HM13: variants seen among roughly 807,000 people sequenced by gnomAD.
HM13 encodes histocompatibility minor 13.
In HM13, 18 loss-of-function variants were observed where a neutral mutation model predicts 50.0. The observed-to-expected ratio is 0.36, with a 90% CI of 0.25 to 0.53. HM13 has a LOEUF of 0.53. Ranked by LOEUF, HM13 falls within the 20% of genes least tolerant of loss-of-function variation. The probability of loss-of-function intolerance (pLI) is 0.90; values close to 1 mark genes in which losing one functional copy is unlikely to be tolerated. For synonymous variants in HM13, 197 were observed against 232.6 expected, an observed-to-expected ratio of 0.85 and a Z score of 1.39; for missense variants, 393 against 552.4, an observed-to-expected ratio of 0.71 and a Z score of 2.89.
At chr20:31,538,394 T>C in intron 3 of HM13, 133 bp downstream of exon 3, 1 of 1,551,648 alleles carries the variant, frequency 6.4e-7, no homozygotes, top group Non-Finnish European at 8.8e-7. Context: ...AAGGGACTCT[T>C]TCCCCTGCAC....
chr20:31,568,687 G>A (rs6058116), intron 12 of HM13, among the ~76,000 whole-genome samples: 46,360 of 152,156 alleles, frequency 0.3, 11,544 homozygotes, highest in African/African-American at 0.69. Flanking sequence ...GCACCTTGCC[G>A]CTTGCCAGTA....
At chr20:31,550,236 C>T (rs1983969978) in intron 7 of HM13, 115 bp downstream of exon 7, 1 of 772,230 alleles carries the variant, frequency 1.3e-6, no homozygotes, top group East Asian at 2.5e-5. Flanking sequence ...CCTCTTCCTC[C>T]TGTGGCTCCC....
At position 31,514,718 on chromosome 20, in the gene HM13, G is replaced by C; in HGVS notation, c.167G>C (p.Arg56Pro). ...TTCTTCGGCGCCCTGCGCTCCGTAC[G>C]CTGCGCCCGCGGCAAGGTAGGGTCA... The part of the protein sequence containing the change: ...PIFFGALRSV[R>P]CARGKNASDM... Residue 56 changes from arginine (R) to proline (P), a missense_variant, in exon 1 of 13, where the codon CGC becomes CCC. Transcript: ENST00000398174. The surrounding 1 kb of genome is among the most constrained non-coding windows in gnomAD (Gnocchi z 4.3). 1 of 1,538,458 alleles carries C rather than the reference G, an allele frequency of 6.5e-7. No homozygotes were observed. The highest frequency in any genetic ancestry group is 8.8e-7 in the Non-Finnish European group (1 of 1,142,832).
intron 10 of HM13, chr20:31,562,541 G>A (rs1984674932): frequency 6.6e-6 from 1 of 152,192 alleles, no homozygotes; most frequent in South Asian, 2.1e-4. Flanking sequence ...ATTGAACAGG[G>A]GCTAAGGGAG....
chr20:31,516,762 G>T (rs922110768), intron 1 of HM13, among the ~76,000 whole-genome samples: 6 of 152,168 alleles, frequency 3.9e-5, no homozygotes, highest in African/African-American at 1.4e-4. Context: ...GGGCAGCAGG[G>T]TGTGGAGGAC....
At chr20:31,520,979 G>T (rs1664636781) in intron 1 of HM13, among the ~76,000 whole-genome samples, 1 of 152,190 alleles carries the variant, frequency 6.6e-6, no homozygotes, top group Non-Finnish European at 1.5e-5. Flanking sequence ...TTTCCGCTCT[G>T]ATAACAACAT....
At chr20:31,526,681 A>C (rs1408509365) in intron 1 of HM13, among the ~76,000 whole-genome samples, 2 of 152,126 alleles carry the variant, frequency 1.3e-5, no homozygotes, top group Non-Finnish European at 2.9e-5. Context: ...ACCATTTTCA[A>C]GTCTGCCAGT....
rs552495991 is a variant in HM13 at position 31,528,866 on chromosome 20, T to TC, written c.282+1287dup. On this transcript the variant is annotated intron_variant, in intron 2 of 12. Coordinates refer to ENST00000398174, the MANE Select transcript of HM13 (RefSeq NM_178581.3). ...CTCAAGTGATCCTCCCACCTCTCCC[T>TC]CCCAAAGTGCTGGGATTACAGGCGT... is the stretch of plus-strand genomic sequence containing the variant. Among the ~76,000 whole-genome samples, 737 of 152,068 alleles carry TC rather than the reference T, an allele frequency of 4.8e-3. 6 individuals carry two copies. The highest frequency in any genetic ancestry group is 4.4e-3 in the Non-Finnish European group (302 of 67,956).
At position 31,548,285 on chromosome 20, in the gene HM13, T is replaced by A. The variant is rs1983834355; in HGVS notation, c.455-744T>A. 3 of 437,194 alleles carry A rather than the reference T, an allele frequency of 6.9e-6. No individual in the cohort carries two copies. The Admixed American group carries it at 1.1e-4, about 16-fold the overall frequency. The allele number at this position is 437,194 out of a possible 1,614,324, so 27.1% of individuals were successfully genotyped here. Reference sequence around the variant, plus strand: ...TGGAATGTGAAAGGAGTGTCTGGACTCTGTGACTCCCGGCAAACTCCACAG... The same window carrying A: ...TGGAATGTGAAAGGAGTGTCTGGACACTGTGACTCCCGGCAAACTCCACAG... On this transcript the variant is annotated intron_variant, in intron 4 of 12. Coordinates refer to ENST00000398174, the MANE Select transcript of HM13 (RefSeq NM_178581.3).
chr20:31,551,930 C>T (rs1225573049), intron 7 of HM13, among the ~76,000 whole-genome samples: 1 of 152,166 alleles, frequency 6.6e-6, no homozygotes, highest in East Asian at 1.9e-4. Context: ...CTGAATAAAC[C>T]TACAAGACCT....
chr20:31,542,175 T>C (rs1983484264), intron 3 of HM13, among the ~76,000 whole-genome samples: 1 of 152,178 alleles, frequency 6.6e-6, no homozygotes, highest in Non-Finnish European at 1.5e-5. Flanking sequence ...TAAGCCTCTT[T>C]GGAACAAACC....
chr20:31,515,198 C>T (rs117801052), intron 1 of HM13, among the ~76,000 whole-genome samples: 356 of 152,314 alleles, frequency 2.3e-3, no homozygotes, highest in Middle Eastern at 6.8e-3. Flanking sequence ...ACCGCAGGGC[C>T]CTTTCTACCA....
intron 2 of HM13, among the ~76,000 whole-genome samples, chr20:31,532,904 A>G (rs1384976849): frequency 1.3e-5 from 2 of 152,198 alleles, no homozygotes; most frequent in African/African-American, 4.8e-5. Flanking sequence ...GGGTGTGAGC[A>G]TTTTTATTTA....
chr20:31,522,849 T>C (rs1215867799), intron 1 of HM13, among the ~76,000 whole-genome samples: 3 of 145,322 alleles, frequency 2.1e-5, no homozygotes, highest in African/African-American at 8.4e-5. Flanking sequence ...GCTGAGGAAA[T>C]TGAGGCTTAG....
chr20:31,548,952 C>T (rs1189982595), intron 4 of HM13, 77 bp from the exon 5 acceptor site: 3 of 1,281,338 alleles, frequency 2.3e-6, no homozygotes, highest in East Asian at 2.3e-5. Flanking sequence ...CAGCCATGCC[C>T]TCCTCCGTCC....
intron 7 of HM13, among the ~76,000 whole-genome samples, chr20:31,552,163 G>T (rs1294133984): frequency 6.6e-6 from 1 of 152,178 alleles, no homozygotes; most frequent in Non-Finnish European, 1.5e-5. Context: ...GAGCCTGGGG[G>T]TGTGTAAGCC....
intron 4 of HM13, among the ~76,000 whole-genome samples, chr20:31,545,813 G>A (rs991084927): frequency 2.6e-5 from 4 of 152,068 alleles, no homozygotes; most frequent in Admixed American, 6.6e-5. Flanking sequence ...TGAAACCTCA[G>A]CCAACTGAGT....
At chr20:31,567,228 C>T (rs545505450) in intron 11 of HM13, among the ~76,000 whole-genome samples, 57 of 152,292 alleles carry the variant, frequency 3.7e-4, no homozygotes, top group Non-Finnish European at 6.9e-4. Flanking sequence ...TCTCAGGGAG[C>T]TTTGGGAGCA....
chr20:31,536,296 G>C (rs1600636677), intron 2 of HM13, among the ~76,000 whole-genome samples: 1 of 152,198 alleles, frequency 6.6e-6, no homozygotes, highest in African/African-American at 2.4e-5. Context: ...CCAGGAGGTG[G>C]AGGTTGCAGT....
Sources: allele counts gnomAD v4.1 joint callset (sites outside exome capture counted in the v4.1 genomes callset), GRCh38; gene constraint gnomAD v4.1.1; non-coding constraint Gnocchi (gnomAD v3.1); transcripts MANE v1.5; gene names NCBI Gene and HGNC (gene_info 2026-07-23, HGNC 2026-07-21).